SLC44A5: variants seen among roughly 807,000 people sequenced by gnomAD.
SLC44A5 encodes the protein solute carrier family 44 member 5, also known as choline transporter-like protein 5.
A neutral mutation model predicts 101.8 loss-of-function variants in SLC44A5; 57 were observed. That is an observed-to-expected ratio of 0.56 (90% CI 0.45 to 0.70). SLC44A5 has a LOEUF of 0.70. Ranked by LOEUF, SLC44A5 falls within the 30% of genes least tolerant of loss-of-function variation. The probability of loss-of-function intolerance (pLI) is 0.00; values close to 1 mark genes in which losing one functional copy is unlikely to be tolerated. For synonymous variants in SLC44A5, 281 were observed against 290.9 expected (o/e 0.97, Z 0.35); for missense variants, 737 against 853.1 (o/e 0.86, Z 1.70).
intron 4 of SLC44A5, among the ~76,000 whole-genome samples, chr1:75,303,200 C>T (rs1243613621): frequency 6.6e-6 from 1 of 152,102 alleles, no homozygotes; most frequent in African/African-American, 2.4e-5. Context: ...AGCACAAGGA[C>T]AGAAGCAGAA....
chr1:75,383,401 C>A (rs1410781639), intron 3 of SLC44A5, among the ~76,000 whole-genome samples: 1 of 151,630 alleles, frequency 6.6e-6, no homozygotes, highest in Non-Finnish European at 1.5e-5. Context: ...TTTTCCAAAT[C>A]TCTCGTCCCA....
intron 11 of SLC44A5, among the ~76,000 whole-genome samples, chr1:75,234,585 T>G (rs1051691848): frequency 6.6e-6 from 1 of 152,010 alleles, no homozygotes; most frequent in African/African-American, 2.4e-5. Flanking sequence ...GAAAAATAAC[T>G]GGCCATCCCC....
the SLC44A5 span, among the ~76,000 whole-genome samples, chr1:75,640,496 T>C: frequency 6.6e-6 from 1 of 152,066 alleles, no homozygotes; most frequent in Non-Finnish European, 1.5e-5. Flanking sequence ...GTGTGATTCA[T>C]TGGGAAACCA....
intron 4 of SLC44A5, among the ~76,000 whole-genome samples, chr1:75,330,969 T>C (rs974763034): frequency 1.8e-4 from 27 of 146,602 alleles, no homozygotes; most frequent in Admixed American, 1.0e-3. Flanking sequence ...TTTCTCTCTT[T>C]TTTTTTTTTT....
intron 4 of SLC44A5, among the ~76,000 whole-genome samples, chr1:75,310,160 A>G (rs987628544): frequency 2.0e-5 from 3 of 152,232 alleles, no homozygotes; most frequent in African/African-American, 7.2e-5. Context: ...TGAAAATACC[A>G]GGAAACTTAA....
chr1:75,538,366 A>T (rs1671167403), intron 2 of SLC44A5, among the ~76,000 whole-genome samples: 1 of 152,248 alleles, frequency 6.6e-6, no homozygotes, highest in Non-Finnish European at 1.5e-5. Flanking sequence ...GAAAACACAG[A>T]TATAGATATG....
the SLC44A5 span, among the ~76,000 whole-genome samples, chr1:75,688,115 A>C: frequency 1.3e-5 from 2 of 152,184 alleles, no homozygotes; most frequent in African/African-American, 4.8e-5. Context: ...AAAGGTTTCA[A>C]CCTACACCAA....
At chr1:75,561,226 A>G (rs1672500782) in intron 1 of SLC44A5, among the ~76,000 whole-genome samples, 1 of 152,190 alleles carries the variant, frequency 6.6e-6, no homozygotes, top group Non-Finnish European at 1.5e-5. Flanking sequence ...GTAATTATAC[A>G]TGGAGTCTCC....
the SLC44A5 span, chr1:75,710,561 C>CT: frequency 3.2e-5 from 1 of 31,514 alleles, no homozygotes; most frequent in African/African-American, 1.3e-4. Flanking sequence ...GAGACCCTAC[C>CT]TAAAAAAAAA....
intron 2 of SLC44A5, among the ~76,000 whole-genome samples, chr1:75,502,722 A>G (rs978712670): frequency 2.3e-5 from 3 of 127,932 alleles, no homozygotes; most frequent in African/African-American, 8.8e-5. Flanking sequence ...ACTCCACAAC[A>G]GTACCCACTT....
intron 1 of SLC44A5, among the ~76,000 whole-genome samples, chr1:75,576,340 A>T (rs1673362646): frequency 6.6e-6 from 1 of 151,628 alleles, no homozygotes; most frequent in Admixed American, 6.6e-5. Flanking sequence ...TTTGAGAGGA[A>T]GTCTTGCTCT....
At chr1:75,350,885 C>T (rs1207798341) in intron 3 of SLC44A5, among the ~76,000 whole-genome samples, 1 of 60,338 alleles carries the variant, frequency 1.7e-5, no homozygotes, top group African/African-American at 7.0e-5. Context: ...CAGGGTGAGA[C>T]TCCATCTCAA....
chr1:75,308,948 G>C (rs995342455), intron 4 of SLC44A5, among the ~76,000 whole-genome samples: 2 of 152,088 alleles, frequency 1.3e-5, no homozygotes, highest in African/African-American at 4.8e-5. Context: ...ATTTTAATAA[G>C]TAAATAAAAA....
chr1:75,580,675 C>T (rs953450540), intron 1 of SLC44A5, among the ~76,000 whole-genome samples: 1 of 151,898 alleles, frequency 6.6e-6, no homozygotes, highest in Non-Finnish European at 1.5e-5. Context: ...CCTGTCTCTG[C>T]TAAAAATACA....
chr1:75,300,216 T>C (rs939554036), intron 5 of SLC44A5, among the ~76,000 whole-genome samples: 45 of 152,146 alleles, frequency 3.0e-4, no homozygotes, highest in African/African-American at 1.0e-3. Flanking sequence ...TCCTTCTTTT[T>C]AATTTGCTTA....
chr1:75,592,503 T>G (rs1279959684), intron 1 of SLC44A5, among the ~76,000 whole-genome samples: 1 of 152,028 alleles, frequency 6.6e-6, no homozygotes, highest in Non-Finnish European at 1.5e-5. Flanking sequence ...ATCCTAAAAT[T>G]TATATGAAAC....
intron 5 of SLC44A5, among the ~76,000 whole-genome samples, chr1:75,289,623 A>G (rs1200919380): frequency 2.0e-5 from 3 of 152,188 alleles, no homozygotes; most frequent in African/African-American, 4.8e-5. Context: ...GGCATGTGTT[A>G]AAGAAACACA....
chr1:75,716,660 G>A, the SLC44A5 span, among the ~76,000 whole-genome samples: 1 of 152,326 alleles, frequency 6.6e-6, no homozygotes, highest in South Asian at 2.1e-4. Flanking sequence ...ACACGCATAT[G>A]TATGTTTATC....
the SLC44A5 span, among the ~76,000 whole-genome samples, chr1:75,682,813 C>T: frequency 6.6e-6 from 1 of 151,950 alleles, no homozygotes; most frequent in Non-Finnish European, 1.5e-5. Context: ...TCAGACTGAA[C>T]AGGCAACCTA....
Sources: gnomAD v4.1 joint callset for allele counts (sites outside exome capture counted in the v4.1 genomes callset) on GRCh38, gnomAD v4.1.1 for gene constraint, MANE v1.5 for transcripts, NCBI Gene and HGNC (gene_info 2026-07-23, HGNC 2026-07-21) for gene names.